Variants in CHIC1 observed in about 807,000 individuals in gnomAD.
CHIC1 encodes the protein cysteine rich hydrophobic domain 1.
Under a neutral mutation model 18.5 loss-of-function variants are expected in CHIC1, and 7 were observed. That is an observed-to-expected ratio of 0.38 (90% CI 0.22 to 0.71). The LOEUF (loss-of-function observed/expected upper bound fraction) is 0.71. Among genes scored for constraint, CHIC1 ranks in the 30% least tolerant of loss-of-function variants. The pLI, the probability that CHIC1 is intolerant of heterozygous loss-of-function variation, is 0.49. For missense variants in CHIC1, 159 were observed against 176.9 expected (o/e 0.90, Z 0.57); for synonymous variants, 77 against 73.5 (o/e 1.05, Z -0.25).
intron 3 of CHIC1, among the ~76,000 whole-genome samples, chrX:73,608,533 C>A (rs1012475215): frequency 9.2e-6 from 1 of 108,412 alleles, no homozygotes; most frequent in Admixed American, 9.7e-5. Context: ...TCCATAAGAG[C>A]AGACTGTCTT....
chrX:73,622,061 G>A (rs1468129176), intron 3 of CHIC1, among the ~76,000 whole-genome samples: 2 of 111,963 alleles, frequency 1.8e-5, no homozygotes, highest in African/African-American at 6.5e-5. Flanking sequence ...TGATCATGGT[G>A]GATAAGCTTT....
In CHIC1 at chrX:73,587,140, A is replaced by G. The variant is rs2057556821; in HGVS notation, c.507+2568A>G. Among the ~76,000 whole-genome samples, 3 of 112,382 alleles carry G rather than the reference A, an allele frequency of 2.7e-5. No individual in the cohort carries two copies. In the South Asian group the frequency reaches 1.1e-3, roughly 41 times the overall value. On this transcript the variant is annotated intron_variant, in intron 3 of 5. Transcript: ENST00000373502. ...TATCTCTGTTTGCTCACAAAATAAAATGGAAATAATAATGAAGATGCTATA... is the reference window on the plus strand; with the variant it reads ...TATCTCTGTTTGCTCACAAAATAAAGTGGAAATAATAATGAAGATGCTATA...
chrX:73,679,260 T>C (rs2058085933), intron 3 of CHIC1, 66 bp from the exon 4 acceptor site: 5 of 683,380 alleles, frequency 7.3e-6, no homozygotes, highest in Non-Finnish European at 9.2e-6. Flanking sequence ...CAGAAAAATA[T>C]AGATGCACAT....
chrX:73,635,831 G>A (rs935396981), intron 3 of CHIC1, among the ~76,000 whole-genome samples: 4 of 111,288 alleles, frequency 3.6e-5, no homozygotes, highest in African/African-American at 9.8e-5. Flanking sequence ...GATGTTTCTT[G>A]TACCGTTGAA....
intron 3 of CHIC1, among the ~76,000 whole-genome samples, chrX:73,589,413 T>C (rs2057570276): frequency 9.0e-6 from 1 of 111,182 alleles, no homozygotes; most frequent in Non-Finnish European, 1.9e-5. Flanking sequence ...CTGTATCTTT[T>C]TAAGTTATTT....
At chrX:73,612,752 C>T (rs1317024966) in intron 3 of CHIC1, among the ~76,000 whole-genome samples, 1 of 112,007 alleles carries the variant, frequency 8.9e-6, no homozygotes, top group Non-Finnish European at 1.9e-5. Context: ...GAGAATGTTC[C>T]ATGTGCTGAT....
chrX:73,642,352 C>A (rs1161102313), intron 3 of CHIC1, among the ~76,000 whole-genome samples: 1 of 111,437 alleles, frequency 9.0e-6, no homozygotes, highest in Admixed American at 9.5e-5. Flanking sequence ...CTTCGCCCAC[C>A]TTTTGATGGC....
At chrX:73,634,851 G>T (rs989728763) in intron 3 of CHIC1, among the ~76,000 whole-genome samples, 3 of 111,239 alleles carry the variant, frequency 2.7e-5, no homozygotes, top group African/African-American at 6.5e-5. Flanking sequence ...GCAGGTTAAG[G>T]AGGGGGGCTT....
chrX:73,595,319 C>A (rs1294749279), intron 3 of CHIC1, among the ~76,000 whole-genome samples: 1 of 110,732 alleles, frequency 9.0e-6, no homozygotes, highest in Non-Finnish European at 1.9e-5. Context: ...GCTATCCTTC[C>A]CCTTTACCCC....
intron 3 of CHIC1, among the ~76,000 whole-genome samples, chrX:73,670,862 G>A (rs2058026690): frequency 1.8e-5 from 2 of 111,333 alleles, no homozygotes; most frequent in South Asian, 7.6e-4. Context: ...TTATTCTGTG[G>A]TGGTCTGAGA....
At chrX:73,668,278 T>A (rs1172560419) in intron 3 of CHIC1, among the ~76,000 whole-genome samples, 2 of 111,980 alleles carry the variant, frequency 1.8e-5, no homozygotes, top group African/African-American at 3.2e-5. Context: ...ATCATGATTC[T>A]TAGCTTCTTG....
intron 3 of CHIC1, among the ~76,000 whole-genome samples, chrX:73,634,505 C>T (rs2057822611): frequency 8.9e-6 from 1 of 112,091 alleles, no homozygotes; most frequent in Non-Finnish European, 1.9e-5. Flanking sequence ...GAAGTATGGG[C>T]ACCATCCACA....
At chrX:73,668,423 T>A (rs1333229381) in intron 3 of CHIC1, among the ~76,000 whole-genome samples, 2 of 112,287 alleles carry the variant, frequency 1.8e-5, no homozygotes, top group Non-Finnish European at 3.8e-5. Context: ...TTGTGGTCAT[T>A]TGGAGGAACA....
chrX:73,611,914 A>G (rs1343073774), intron 3 of CHIC1, among the ~76,000 whole-genome samples: 1 of 108,333 alleles, frequency 9.2e-6, no homozygotes, highest in African/African-American at 3.5e-5. Flanking sequence ...TAGATTCTGG[A>G]TATTAGCCCT....
At chrX:73,597,104 A>G (rs1390806707) in intron 3 of CHIC1, among the ~76,000 whole-genome samples, 1 of 111,997 alleles carries the variant, frequency 8.9e-6, no homozygotes, top group Non-Finnish European at 1.9e-5. Context: ...CATTCCTACC[A>G]GCAATGCAGA....
intron 3 of CHIC1, among the ~76,000 whole-genome samples, chrX:73,619,199 T>TA (rs1255077914): frequency 9.0e-6 from 1 of 111,300 alleles, no homozygotes; most frequent in Non-Finnish European, 1.9e-5. Flanking sequence ...TCAAAGGGTC[T>TA]ATGGATTCTC....
At chrX:73,655,614 G>A (rs1196188619) in intron 3 of CHIC1, among the ~76,000 whole-genome samples, 1 of 68,478 alleles carries the variant, frequency 1.5e-5, no homozygotes, top group African/African-American at 5.9e-5. Context: ...TATATATAGT[G>A]TGTGTATATA....
intron 2 of CHIC1, among the ~76,000 whole-genome samples, chrX:73,578,397 C>T (rs1191468012): frequency 4.5e-5 from 5 of 110,167 alleles, no homozygotes; most frequent in Non-Finnish European, 9.6e-5. Context: ...CAGTCATTGC[C>T]AAATGGTTAA....
Position 73,563,467 on chromosome X carries a change from G to C in CHIC1, c.183G>C (p.Glu61Asp). 1 of 1,161,680 alleles carries C rather than the reference G, an allele frequency of 8.6e-7. No homozygotes were observed. The highest frequency in any genetic ancestry group is 2.6e-5 in the Admixed American group (1 of 38,916). Residue 61 changes from glutamate to aspartate, a missense_variant, in exon 1 of 6, where the codon GAG (glutamate) becomes GAC (aspartate). Glu to Asp is a conservative substitution (Grantham distance 45, BLOSUM62 2). Coordinates refer to ENST00000373502, the MANE Select transcript of CHIC1 (RefSeq NM_001039840.4). ...AAGAGGAGGAGGAGGAAGAAGAGGA[G>C]GAGGAGGAAGAGGAGGAGGAAGCGC... is the stretch of plus-strand genomic sequence containing the variant. ...EEEEEEEEEE[E>D]EEEEEEEAPP...
Sources: allele counts gnomAD v4.1 joint callset (sites outside exome capture counted in the v4.1 genomes callset), GRCh38; gene constraint gnomAD v4.1.1; transcripts MANE v1.5; gene names NCBI Gene and HGNC (gene_info 2026-07-23, HGNC 2026-07-21).